Variants in SPAM1 observed in about 807,000 individuals in gnomAD.
SPAM1 encodes hyaluronidase PH-20.
SPAM1 carries 22 observed loss-of-function variants against 29.6 expected under a neutral mutation model. That is an observed-to-expected ratio of 0.74 (90% CI 0.53 to 1.06). The LOEUF (loss-of-function observed/expected upper bound fraction) is 1.06, where lower values mean the gene tolerates loss of function less well. Among genes scored for constraint, SPAM1 ranks in the 50% least tolerant of loss-of-function variants. SPAM1 has a pLI of 0.00. For missense variants in SPAM1, 534 were observed against 604.0 expected, an observed-to-expected ratio of 0.88 and a Z score of 1.21; for synonymous variants, 194 against 204.6, an observed-to-expected ratio of 0.95 and a Z score of 0.44.
At chr7:123,926,887 T>A (rs951639617) in intron 1 of SPAM1, among the ~76,000 whole-genome samples, 4 of 152,090 alleles carry the variant, frequency 2.6e-5, no homozygotes, top group Non-Finnish European at 4.4e-5. Flanking sequence ...TGTAAATAGT[T>A]TTTTTATAGG....
chr7:123,941,046 A>G (rs917885168), intron 1 of SPAM1, among the ~76,000 whole-genome samples: 2 of 152,204 alleles, frequency 1.3e-5, no homozygotes, highest in Non-Finnish European at 2.9e-5. Context: ...TGTGAGTTAT[A>G]TCTCTATGTT....
exon 7 of SPAM1, chr7:123,971,217 A>G (rs918746976): frequency 1.3e-5 from 2 of 152,126 alleles, no homozygotes; most frequent in Non-Finnish European, 2.9e-5. Flanking sequence ...AGATATTTAT[A>G]TAAGATTATA....
intron 4 of SPAM1, 64 bp downstream of exon 4, chr7:123,955,150 T>A: frequency 8.4e-7 from 1 of 1,197,524 alleles, no homozygotes; most frequent in Non-Finnish European, 1.2e-6. Flanking sequence ...GGGGATTGTT[T>A]TGGTATTAAA....
intron 1 of SPAM1, among the ~76,000 whole-genome samples, chr7:123,948,839 A>G (rs4727988): frequency 0.12 from 18,808 of 152,186 alleles, 1,270 homozygotes; most frequent in South Asian, 0.15. Flanking sequence ...GAATTCCAAA[A>G]GGTAGATTCT....
At chr7:123,940,019 C>G (rs528420787) in intron 1 of SPAM1, among the ~76,000 whole-genome samples, 1 of 152,030 alleles carries the variant, frequency 6.6e-6, no homozygotes, top group Non-Finnish European at 1.5e-5. Flanking sequence ...CAGTATTATA[C>G]TGAGGTTTTG....
intron 1 of SPAM1, among the ~76,000 whole-genome samples, chr7:123,948,563 G>A (rs1207050773): frequency 6.6e-6 from 1 of 152,124 alleles, no homozygotes; most frequent in East Asian, 1.9e-4. Flanking sequence ...GGTCTGTAGA[G>A]AAATGGAGAC....
intron 1 of SPAM1, among the ~76,000 whole-genome samples, chr7:123,936,060 T>C (rs1808236968): frequency 6.6e-6 from 1 of 152,252 alleles, no homozygotes; most frequent in African/African-American, 2.4e-5. Context: ...AACTACTCTC[T>C]GTTGTGCTTA....
intron 3 of SPAM1, 49 bp downstream of exon 3, chr7:123,954,573 G>A: frequency 8.0e-7 from 1 of 1,242,848 alleles, no homozygotes; most frequent in Non-Finnish European, 1.1e-6. Context: ...CACAAAAGAT[G>A]TTGATTGAAA....
rs554064277 is a variant in SPAM1, at chr7:123,928,982, C to A, written c.-319+3630C>A. Among the ~76,000 whole-genome samples the A allele has an allele frequency of 7.2e-4, 110 of 152,082 alleles. 1 individual carries two copies. Among genetic ancestry groups the A allele is most frequent in the Non-Finnish European group, 1.1e-3 (77 of 67,984 alleles). ...AATTTTTCCCCCTCCTGTTTTCCTG[C>A]GAGCCTTTTTTCAAAGAATTGGGTA... On this transcript the variant is annotated intron_variant, in intron 1 of 4. Transcript: ENST00000682466.
At chr7:123,944,275 C>T (rs1186641324) in intron 1 of SPAM1, among the ~76,000 whole-genome samples, 3 of 151,978 alleles carry the variant, frequency 2.0e-5, no homozygotes, top group Non-Finnish European at 4.4e-5. Flanking sequence ...TAACTGCTGT[C>T]GGTTTTTAAG....
At chr7:123,956,952 G>A (rs912995472) in intron 4 of SPAM1, among the ~76,000 whole-genome samples, 1 of 151,880 alleles carries the variant, frequency 6.6e-6, no homozygotes, top group Non-Finnish European at 1.5e-5. Context: ...CAATTTTAAT[G>A]TATTTCCATA....
At chr7:123,933,783 C>T (rs1429890236) in intron 1 of SPAM1, among the ~76,000 whole-genome samples, 1 of 152,146 alleles carries the variant, frequency 6.6e-6, no homozygotes, top group African/African-American at 2.4e-5. Flanking sequence ...TCTGAATAGA[C>T]ATTTCTCAAA....
At chr7:123,943,174 A>G (rs1808479198) in intron 1 of SPAM1, among the ~76,000 whole-genome samples, 1 of 152,164 alleles carries the variant, frequency 6.6e-6, no homozygotes, top group Admixed American at 6.5e-5. Context: ...CATGCGGTTT[A>G]GTCTATGCAG....
In SPAM1 at chr7:123,953,544, A is replaced by G. The variant is rs543268106; in HGVS notation, c.-27A>G. ...AACCAAAGTGTGTAGGAAGAAATAAATGTTTTCATAGTCATTACTCTTTAC... is the reference window on the plus strand; with the variant it reads ...AACCAAAGTGTGTAGGAAGAAATAAGTGTTTTCATAGTCATTACTCTTTAC... On this transcript the variant is annotated 5_prime_UTR_variant, in exon 3 of 5. It removes an upstream start codon present in the reference 5' UTR. Transcript: ENST00000682466. 462 of 1,446,008 alleles carry G rather than the reference A, an allele frequency of 3.2e-4. 5 individuals carry two copies. The South Asian group carries it at 5.7e-3, about 18-fold the overall frequency. The allele number at this position is 1,446,008 out of a possible 1,614,324, so 89.6% of individuals were successfully genotyped here.
chr7:123,965,343 C>T (rs975638536), intron 5 of SPAM1, among the ~76,000 whole-genome samples: 6 of 151,938 alleles, frequency 3.9e-5, no homozygotes, highest in East Asian at 1.9e-4. Context: ...TTGTTGCAAT[C>T]GCTTTTGGCA....
At position 123,959,983 on chromosome 7, in the gene SPAM1, C is replaced by T; in HGVS notation, c.*14C>T. On this transcript the variant is annotated 3_prime_UTR_variant, in exon 5 of 5. Transcript: ENST00000682466. ...GCGAGTTTGTAATTGCGCAGGTTAG[C>T]TGAAATGAACAATATGTCCATCTTA... The T allele has an allele frequency of 6.3e-7, 1 of 1,587,360 alleles. No individual in the cohort carries two copies. The highest frequency in any genetic ancestry group is 8.5e-7 in the Non-Finnish European group (1 of 1,170,100).
At chr7:123,962,061 A>G (rs566042368), downstream of SPAM1, among the ~76,000 whole-genome samples, 9 of 152,006 alleles carry the variant, frequency 5.9e-5, no homozygotes, top group Non-Finnish European at 1.2e-4. Flanking sequence ...CAGCCAAAGC[A>G]TATCACTATG....
In SPAM1 at chr7:123,931,155, C is replaced by G. The variant is rs138304392; in HGVS notation, c.-319+5803C>G. Among the ~76,000 whole-genome samples the G allele has an allele frequency of 1.2e-4, 18 of 152,222 alleles. No homozygotes were observed. The East Asian group carries it at 3.5e-3, about 29-fold the overall frequency. ...GAAAGTAATACCCCATAATGAAGGC[C>G]TCAGAAGCAAAAGTTTTTATCTGAC... On this transcript the variant is annotated intron_variant, in intron 1 of 4. Transcript: ENST00000682466.
intron 1 of SPAM1, among the ~76,000 whole-genome samples, chr7:123,948,713 T>C (rs576355230): frequency 9.2e-5 from 14 of 152,232 alleles, no homozygotes; most frequent in African/African-American, 3.4e-4. Flanking sequence ...TTTAAAAATA[T>C]TTATGATAAT....
Sources: gnomAD v4.1 joint callset for allele counts (sites outside exome capture counted in the v4.1 genomes callset) on GRCh38, gnomAD v4.1.1 for gene constraint, MANE v1.5 for transcripts, NCBI Gene and HGNC (gene_info 2026-07-23, HGNC 2026-07-21) for gene names.